ACAD11: variants seen among roughly 807,000 people sequenced by gnomAD.
ACAD11 encodes acyl-Coenzyme A dehydrogenase family, member 11.
A neutral mutation model predicts 102.2 loss-of-function variants in ACAD11; 83 were observed. The observed-to-expected ratio is 0.81, with a 90% CI of 0.68 to 0.97. The LOEUF is 0.97. Among genes scored for constraint, ACAD11 ranks in the 50% least tolerant of loss-of-function variants. ACAD11 has a pLI of 0.00. For synonymous variants in ACAD11, 324 were observed against 319.8 expected, an observed-to-expected ratio of 1.01 and a Z score of -0.14; for missense variants, 901 against 951.7, an observed-to-expected ratio of 0.95 and a Z score of 0.70.
At chr3:132,609,764 C>T (rs1939033044) in intron 11 of ACAD11, among the ~76,000 whole-genome samples, 1 of 152,176 alleles carries the variant, frequency 6.6e-6, no homozygotes, top group Non-Finnish European at 1.5e-5. Context: ...GGGACTCCTT[C>T]CTAACTCGTT....
intron 5 of ACAD11, among the ~76,000 whole-genome samples, chr3:132,634,121 A>G (rs1306917536): frequency 2.6e-5 from 4 of 152,236 alleles, no homozygotes; most frequent in Non-Finnish European, 5.9e-5. Context: ...TGAACAGGCA[A>G]CCTACAAAAT....
intron 1 of ACAD11, among the ~76,000 whole-genome samples, chr3:132,655,781 G>C (rs1039701062): frequency 6.6e-6 from 1 of 152,196 alleles, no homozygotes; most frequent in East Asian, 1.9e-4. Context: ...CTCAGTGGTT[G>C]ATACAGTGCC....
intron 4 of ACAD11, among the ~76,000 whole-genome samples, chr3:132,641,668 AGAAGAG>A (rs141782699): frequency 0.031 from 4,256 of 139,274 alleles, 393 homozygotes; most frequent in African/African-American, 0.1. Flanking sequence ...AAGAGGAGGA[AGAAGAG>A]GAAGAGGAAG....
intron 9 of ACAD11, 54 bp from the exon 10 acceptor site, chr3:132,619,599 C>A (rs1939535777): frequency 2.9e-6 from 3 of 1,023,806 alleles, no homozygotes; most frequent in Non-Finnish European, 4.3e-6. Context: ...ACAAAGTAAA[C>A]AATGTCATAA....
At chr3:132,643,248 T>C (rs970899188) in intron 2 of ACAD11, among the ~76,000 whole-genome samples, 22 of 151,338 alleles carry the variant, frequency 1.5e-4, no homozygotes, top group Non-Finnish European at 2.9e-4. Flanking sequence ...GAGAGGTGAG[T>C]GGTGGTGGAA....
intron 11 of ACAD11, chr3:132,618,387 A>T: frequency 2.3e-6 from 1 of 429,682 alleles, no homozygotes. Context: ...TCCTTACACG[A>T]CCAATCCCTT....
intron 17 of ACAD11, among the ~76,000 whole-genome samples, chr3:132,568,538 A>G (rs1458992652): frequency 1.3e-5 from 2 of 152,234 alleles, no homozygotes; most frequent in East Asian, 3.8e-4. Context: ...GAACCAGAAT[A>G]GCTGAAACAC....
chr3:132,577,739 T>C (rs886738046), intron 15 of ACAD11, among the ~76,000 whole-genome samples: 2 of 152,194 alleles, frequency 1.3e-5, no homozygotes, highest in Non-Finnish European at 2.9e-5. Context: ...CTCCACACTG[T>C]TTCTTTTGGC....
chr3:132,625,913 G>A (rs905619510), intron 9 of ACAD11, among the ~76,000 whole-genome samples: 2 of 152,110 alleles, frequency 1.3e-5, no homozygotes, highest in African/African-American at 2.4e-5. Context: ...CTAACACAAG[G>A]CCACCAAACT....
chr3:132,632,853 G>C (rs1447146714), intron 5 of ACAD11, among the ~76,000 whole-genome samples: 1 of 152,172 alleles, frequency 6.6e-6, no homozygotes, highest in Non-Finnish European at 1.5e-5. Context: ...GTGAATGGGA[G>C]TTCACTCATG....
At chr3:132,597,825 T>C (rs902184105) in intron 13 of ACAD11, among the ~76,000 whole-genome samples, 3 of 152,214 alleles carry the variant, frequency 2.0e-5, no homozygotes, top group African/African-American at 7.2e-5. Flanking sequence ...GATTTTCTGA[T>C]GAAAGAGAAA....
intron 17 of ACAD11, among the ~76,000 whole-genome samples, chr3:132,563,129 G>A (rs969108456): frequency 1.6e-4 from 24 of 152,178 alleles, no homozygotes; most frequent in Admixed American, 7.8e-4. Context: ...AAAATTAATT[G>A]GCCTATATTT....
chr3:132,559,985 A>G (rs1937005224), intron 18 of ACAD11, 43 bp from the exon 19 acceptor site: 1 of 1,481,600 alleles, frequency 6.7e-7, no homozygotes, highest in Non-Finnish European at 9.3e-7. Context: ...TTCTTAGACT[A>G]TACACAATGT....
At chr3:132,571,969 G>C (rs1381037292) in intron 17 of ACAD11, among the ~76,000 whole-genome samples, 1 of 151,968 alleles carries the variant, frequency 6.6e-6, no homozygotes, top group African/African-American at 2.4e-5. Flanking sequence ...ATACTGAATG[G>C]GCAAACACTG....
intron 17 of ACAD11, among the ~76,000 whole-genome samples, chr3:132,568,773 G>A (rs896599182): frequency 2.5e-5 from 3 of 119,230 alleles, no homozygotes; most frequent in African/African-American, 6.4e-5. Context: ...TTCAAAAAAC[G>A]TTGCTGAAGC....
chr3:132,562,611 A>AT (rs1221781878), intron 17 of ACAD11, among the ~76,000 whole-genome samples: 3 of 152,104 alleles, frequency 2.0e-5, no homozygotes, highest in Non-Finnish European at 4.4e-5. Context: ...TTAGTATCAT[A>AT]TTTTATTTTA....
At chr3:132,622,105 T>C (rs1374725563) in intron 9 of ACAD11, among the ~76,000 whole-genome samples, 1 of 152,234 alleles carries the variant, frequency 6.6e-6, no homozygotes, top group South Asian at 2.1e-4. Context: ...AGTATCTCTG[T>C]ATGTTTCTAC....
In ACAD11 at chr3:132,590,332, C is replaced by T. The variant is rs1576567542; in HGVS notation, c.1622-10774G>A. 2.0e-5 allele frequency among the ~76,000 whole-genome samples: 3 copies of T among 152,320 alleles called. No homozygotes were observed. In the South Asian group the frequency reaches 6.2e-4, roughly 32 times the overall value. The stretch of plus-strand genomic sequence containing the variant: ...AGTAGAGTGGCGCGATCTCAGCTCA[C>T]TGCAATCTCCCTGCTCCCAGGTTCA... On this transcript the variant is annotated intron_variant, in intron 13 of 19. Coordinates refer to ENST00000264990, the MANE Select transcript of ACAD11 (RefSeq NM_032169.5).
chr3:132,573,895 T>G (rs1471064584), intron 17 of ACAD11, among the ~76,000 whole-genome samples: 1 of 152,158 alleles, frequency 6.6e-6, no homozygotes, highest in Non-Finnish European at 1.5e-5. Context: ...GCCTCCAAAT[T>G]CAAAGAAATG....
Sources: allele counts gnomAD v4.1 joint callset (sites outside exome capture counted in the v4.1 genomes callset), GRCh38; gene constraint gnomAD v4.1.1; transcripts MANE v1.5; gene names NCBI Gene and HGNC (gene_info 2026-07-23, HGNC 2026-07-21).